The following FAM110C variants were observed in gnomAD, a reference collection of about 807,000 sequenced individuals.
The protein encoded by FAM110C is family with sequence similarity 110 member C, also known as protein FAM110C.
A neutral mutation model predicts 15.7 loss-of-function variants in FAM110C; 19 were observed. The observed-to-expected ratio is 1.21, with a 90% confidence interval of 0.85 to 1.78. The LOEUF (loss-of-function observed/expected upper bound fraction) is 1.78, where lower values mean the gene tolerates loss of function less well. Among genes scored for constraint, FAM110C ranks in the 40% most tolerant of loss-of-function variants. The probability of loss-of-function intolerance (pLI) is 0.00; values close to 1 mark genes in which losing one functional copy is unlikely to be tolerated. For synonymous variants in FAM110C, 275 were observed against 233.9 expected (o/e 1.18, Z -1.61); for missense variants, 547 against 495.7 (o/e 1.10, Z -0.98).
At chr2:45,065 C>T in intron 1 of FAM110C, 5 of 985,436 alleles carry the variant, frequency 5.1e-6, no homozygotes, top group Non-Finnish European at 6.0e-6. Flanking sequence ...GGCTCTCAAG[C>T]TGTTTTCAGC....
At position 43,626 on chromosome 2, in the gene FAM110C, A is replaced by G. The variant is rs560375890; in HGVS notation, c.946+1814T>C. The G allele has an allele frequency of 1.1e-4, 109 of 985,374 alleles. No individual in the cohort carries two copies. In the African/African-American group the frequency reaches 1.7e-3, roughly 15 times the overall value. 61.0% of individuals were successfully genotyped at this position (985,374 alleles called of 1,614,324 possible). A position where few individuals can be genotyped will look rare whatever the true frequency, so the allele number is the denominator to read the frequency against. ...CTCTTTTGACATTGGCTAATTCGAG[A>G]TGGGAACCAGCCTGGGTCTGGAGGG... On this transcript the variant is annotated intron_variant, in intron 1 of 1. Transcript: ENST00000327669.
At chr2:44,526 G>A in intron 1 of FAM110C, 1 of 985,316 alleles carries the variant, frequency 1.0e-6, no homozygotes, top group Non-Finnish European at 1.2e-6. Context: ...TGAAGGGTAA[G>A]AGGAAAAAAA....
intron 1 of FAM110C, chr2:44,614 G>T (rs1197350633): frequency 1.0e-6 from 1 of 985,260 alleles, no homozygotes; most frequent in African/African-American, 1.7e-5. Context: ...TTTCCAAGAC[G>T]CCCATAGGGA....
Position 45,478 on chromosome 2 carries a change from G to T in FAM110C, c.908C>A (p.Ala303Asp). 2 of 1,613,850 alleles carry T rather than the reference G, an allele frequency of 1.2e-6. No individual in the cohort carries two copies. The highest frequency in any genetic ancestry group is 1.1e-5 in the South Asian group (1 of 91,066). Residue 303 changes from alanine to aspartate, a missense_variant, in exon 1 of 2, where the codon GCC becomes GAC. By Grantham distance (126) the Ala-to-Asp change is moderately radical. Coordinates refer to ENST00000327669, the MANE Select transcript of FAM110C (RefSeq NM_001077710.3). ...CTGCTCCTGGCTGGGGGTCTCCTTG[G>T]CCTTCTTACAGGTGTACAGCCACTT... Reference protein sequence around the residue: ...IIKWLYTCKKAKETPSQEQSR... With the variant: ...IIKWLYTCKKDKETPSQEQSR...
intron 1 of FAM110C, chr2:43,271 G>T: frequency 1.0e-6 from 1 of 985,342 alleles, no homozygotes; most frequent in Non-Finnish European, 1.2e-6. Context: ...ATAAAAACTG[G>T]GGTAGCTTCT....
At position 45,957 on chromosome 2, in the gene FAM110C, C is replaced by G; in HGVS notation, c.429G>C (p.Glu143Asp). The change falls in exon 1 of 2, where the codon GAG (glutamate) becomes GAC (aspartate). Residue 143 changes from glutamate to aspartate, a missense_variant. Glu to Asp is a conservative substitution (Grantham distance 45). Coordinates refer to ENST00000327669, the MANE Select transcript of FAM110C (RefSeq NM_001077710.3). ...CCGTCTCCGGGTTCCCGGCCTTGCC[C>G]TCGTCTCCCGTCCGGGGCACCGGCG... ...DKAPVPRTGD[E>D]GKAGNPETVP... is the part of the protein sequence containing the mutation. 1 of 1,440,618 alleles carries G rather than the reference C, an allele frequency of 6.9e-7. No homozygotes were observed. Among genetic ancestry groups the G allele is most frequent in the Non-Finnish European group, 9.1e-7 (1 of 1,104,226 alleles). 89.2% of individuals were successfully genotyped at this position (1,440,618 alleles called of 1,614,324 possible).
chr2:46,030 C>T lies in FAM110C; in HGVS notation c.356G>A (p.Arg119Lys). ...GAAGAGCTTCTTCACCAGGCTTGCCCTGGGGCCGTCGGCGCCCGATCCTCG... is the reference window on the plus strand; with the variant it reads ...GAAGAGCTTCTTCACCAGGCTTGCCTTGGGGCCGTCGGCGCCCGATCCTCG... ...FVRGSGADGP[R>K]ASLVKKLFQG... Residue 119 changes from arginine to lysine, a missense_variant, in exon 1 of 2, where the codon AGG becomes AAG. Coordinates refer to ENST00000327669, the MANE Select transcript of FAM110C (RefSeq NM_001077710.3). The T allele has an allele frequency of 6.6e-7, 1 of 1,512,606 alleles. No homozygotes were observed. The allele number at this position is 1,512,606 out of a possible 1,614,324, so 93.7% of individuals were successfully genotyped here.
At position 46,104 on chromosome 2, in the gene FAM110C, C is replaced by T; in HGVS notation, c.282G>A (p.Pro94=). 9.3e-6 allele frequency: 14 copies of T among 1,505,686 alleles called. No individual in the cohort carries two copies. Among genetic ancestry groups the T allele is most frequent in the Non-Finnish European group, 1.1e-5 (13 of 1,134,904 alleles). 93.3% of individuals were successfully genotyped at this position (1,505,686 alleles called of 1,614,324 possible). ...AGATGATCAGCGAGTCCGGTCTCAA[C>T]GGCTTCCGCGCAATAGCCCTGCGCG... ...PVARRAIARK[P]LRPDSLIIYR... The change falls in exon 1 of 2, where the codon CCG becomes CCA. Residue 94 remains proline (P), a synonymous_variant. Transcript: ENST00000327669.
intron 1 of FAM110C, chr2:42,870 T>C: frequency 1.0e-6 from 1 of 985,482 alleles, no homozygotes; most frequent in South Asian, 4.7e-5. Flanking sequence ...CTTATAAATT[T>C]CAGCAGAAAA....
rs1295998518 is a variant in FAM110C, at chr2:39,975, G to A, written c.*1633C>T. On this transcript the variant is annotated 3_prime_UTR_variant, in exon 2 of 2. Transcript: ENST00000327669. ...ATTGGGGAAAATTCTTAGATCAGGG[G>A]ACCTGCTGTCCTGACAGAGTCTATA... is the stretch of plus-strand genomic sequence containing the variant. The A allele has an allele frequency of 2.6e-5, 4 of 152,104 alleles. No homozygotes were observed. Among genetic ancestry groups the A allele is most frequent in the African/African-American group, 9.7e-5 (4 of 41,408 alleles). 9.4% of individuals were successfully genotyped at this position (152,104 alleles called of 1,614,324 possible). A position where few individuals can be genotyped will look rare whatever the true frequency, so the allele number is the denominator to read the frequency against.
intron 1 of FAM110C, chr2:44,093 G>C: frequency 1.0e-6 from 1 of 985,370 alleles, no homozygotes; most frequent in Non-Finnish European, 1.2e-6. Context: ...GTGCCATCAT[G>C]GAAATACCCT....
rs1032344272 is a variant in FAM110C at position 39,222 on chromosome 2, G to A, written c.*2386C>T. 6.6e-5 allele frequency: 10 copies of A among 152,256 alleles called. No homozygotes were observed. Among genetic ancestry groups the A allele is most frequent in the African/African-American group, 1.4e-4 (6 of 41,540 alleles). The allele number at this position is 152,256 out of a possible 1,614,324, so 9.4% of individuals were successfully genotyped here. A position where few individuals can be genotyped will look rare whatever the true frequency, so the allele number is the denominator to read the frequency against. On this transcript the variant is annotated 3_prime_UTR_variant, in exon 2 of 2. Coordinates refer to ENST00000327669, the MANE Select transcript of FAM110C (RefSeq NM_001077710.3). ...TTCTCAAAGTCACTCAGCAAATTGC[G>A]GTAATTCAGGTTTAGGCAAGAAGTT...
At chr2:41,899 T>C (rs1341203028) in intron 1 of FAM110C, 50 of 985,290 alleles carry the variant, frequency 5.1e-5, no homozygotes, top group Non-Finnish European at 5.8e-5. Context: ...CTCCAACTAC[T>C]CATGGGGCAG....
Position 40,591 on chromosome 2 carries a change from T to G in FAM110C, c.*1017A>C, listed in dbSNP as rs1572060046. ...TTATAGCCGCCCTCAGGCTGTCCCTTGTTTCAAAATATGCCCTTTGCAGAA... is the reference window on the plus strand; with the variant it reads ...TTATAGCCGCCCTCAGGCTGTCCCTGGTTTCAAAATATGCCCTTTGCAGAA... On this transcript the variant is annotated 3_prime_UTR_variant, in exon 2 of 2. Transcript: ENST00000327669. 6.6e-6 allele frequency: 1 copy of G among 152,294 alleles called. No homozygotes were observed. Among genetic ancestry groups the G allele is most frequent in the South Asian group, 2.1e-4 (1 of 4,830 alleles). The allele number at this position is 152,294 out of a possible 1,614,324, so 9.4% of individuals were successfully genotyped here. A position where few individuals can be genotyped will look rare whatever the true frequency, so the allele number is the denominator to read the frequency against.
chr2:41,486 A>T lies in FAM110C; in HGVS notation c.*122T>A. 1 of 1,119,900 alleles carries T rather than the reference A, an allele frequency of 8.9e-7. No homozygotes were observed. The highest frequency in any genetic ancestry group is 1.3e-6 in the Non-Finnish European group (1 of 768,666). 69.4% of individuals were successfully genotyped at this position (1,119,900 alleles called of 1,614,324 possible). On this transcript the variant is annotated 3_prime_UTR_variant, in exon 2 of 2. Transcript: ENST00000327669. ...GTAGTATTTTAAACCTTCTCAGAGC[A>T]CTTGTTTTGTCAATGGGATGCTGCA... is the stretch of plus-strand genomic sequence containing the variant.
chr2:39,341 C>T lies in FAM110C; in HGVS notation c.*2267G>A, dbSNP rs559833493. 41 of 152,270 alleles carry T rather than the reference C, an allele frequency of 2.7e-4. No homozygotes were observed. Among genetic ancestry groups the T allele is most frequent in the African/African-American group, 9.9e-4 (41 of 41,532 alleles). 9.4% of individuals were successfully genotyped at this position (152,270 alleles called of 1,614,324 possible). A position where few individuals can be genotyped will look rare whatever the true frequency, so the allele number is the denominator to read the frequency against. On this transcript the variant is annotated 3_prime_UTR_variant, in exon 2 of 2. Coordinates refer to ENST00000327669, the MANE Select transcript of FAM110C (RefSeq NM_001077710.3). The stretch of plus-strand genomic sequence containing the variant: ...GTGGTGCAATCATGGTTCACTGCAA[C>T]CTTGAACCCCAAGGCACAAGTGATC...
chr2:42,463 G>T, intron 1 of FAM110C: 1 of 281,824 alleles, frequency 3.5e-6, no homozygotes, highest in Non-Finnish European at 5.4e-6. Flanking sequence ...CAAGTCCCTA[G>T]TTTGATGAAT....
In FAM110C at chr2:44,835, AG is replaced by A. The variant is rs546386535; in HGVS notation, c.946+604del. The A allele has an allele frequency of 2.5e-4, 251 of 985,452 alleles. 3 individuals carry two copies. In the African/African-American group the frequency reaches 4.2e-3, roughly 16 times the overall value. 61.0% of individuals were successfully genotyped at this position (985,452 alleles called of 1,614,324 possible). On this transcript the variant is annotated intron_variant, in intron 1 of 1. Transcript: ENST00000327669. Reference sequence around the variant, plus strand: ...TCTCAAAACAATTTAAATAAAATTTAGCCAAATAAAGATCTTTGTTGCTAAG... The same window carrying A: ...TCTCAAAACAATTTAAATAAAATTTACCAAATAAAGATCTTTGTTGCTAAG...
Position 45,816 on chromosome 2 carries a change from C to A in FAM110C, c.570G>T (p.Arg190=). 6.5e-7 allele frequency: 1 copy of A among 1,545,996 alleles called. No homozygotes were observed. The highest frequency in any genetic ancestry group is 8.7e-7 in the Non-Finnish European group (1 of 1,149,544). The change falls in exon 1 of 2, where the codon CGG becomes CGT. Residue 190 remains arginine (R), a synonymous_variant. Transcript: ENST00000327669. The part of the protein sequence containing the change: ...VPAAPPGPEP[R]VVRRRGLQRS... ...GCTGCAGCCCCCGACGCCTCACCAC[C>A]CGCGGCTCTGGCCCAGGGGGCGCGG...
Sources: gnomAD v4.1 joint callset for allele counts on GRCh38, gnomAD v4.1.1 for gene constraint, MANE v1.5 for transcripts, NCBI Gene and HGNC (gene_info 2026-07-23, HGNC 2026-07-21) for gene names.